ATRNL1: variants seen among roughly 807,000 people sequenced by gnomAD.
ATRNL1 encodes the protein attractin like 1, also known as attractin-like protein 1.
ATRNL1 carries 95 observed loss-of-function variants against 182.7 expected under a neutral mutation model. That is an observed-to-expected ratio of 0.52 (90% CI 0.44 to 0.62). The LOEUF (loss-of-function observed/expected upper bound fraction) is 0.62, where lower values mean the gene tolerates loss of function less well. Ranked by LOEUF, ATRNL1 falls within the 20% of genes least tolerant of loss-of-function variation. ATRNL1 has a pLI of 0.00. For missense variants in ATRNL1, 1,471 were observed against 1,679.5 expected (o/e 0.88, Z 2.17); for synonymous variants, 576 against 568.3 (o/e 1.01, Z -0.19).
chr10:115,537,700 A>ATTGTTTGTTTGTTTGT (rs6144100), intron 25 of ATRNL1, among the ~76,000 whole-genome samples: 15 of 151,352 alleles, frequency 9.9e-5, no homozygotes, highest in Admixed American at 5.3e-4. Flanking sequence ...TTTGGTCCTT[A>ATTGTTTGTTTGTTTGT]TTGTTTGTTT....
rs1294128872 is a variant in ATRNL1, at chr10:115,644,016, G to A, written c.3796-83232G>A. Among the ~76,000 whole-genome samples, 15 of 152,116 alleles carry A rather than the reference G, an allele frequency of 9.9e-5. 1 individual carries two copies. The highest frequency in any genetic ancestry group is 5.9e-5 in the Non-Finnish European group (4 of 68,026). ...GTGCACACAAAAGCTGTATGTGAACGTTTGTAGTGGCTTTATTCATAAACA... is the reference window on the plus strand; with the variant it reads ...GTGCACACAAAAGCTGTATGTGAACATTTGTAGTGGCTTTATTCATAAACA... On this transcript the variant is annotated intron_variant, in intron 26 of 28. Coordinates refer to ENST00000355044, the MANE Select transcript of ATRNL1 (RefSeq NM_207303.4).
At chr10:115,676,438 A>G (rs1945863730) in intron 26 of ATRNL1, among the ~76,000 whole-genome samples, 1 of 152,110 alleles carries the variant, frequency 6.6e-6, no homozygotes, top group African/African-American at 2.4e-5. Context: ...TTATTTACTC[A>G]GTTATCTAAA....
At chr10:115,289,088 A>G (rs1473208850) in intron 15 of ATRNL1, among the ~76,000 whole-genome samples, 1 of 152,210 alleles carries the variant, frequency 6.6e-6, no homozygotes, top group Non-Finnish European at 1.5e-5. Context: ...GCAAAAGGCA[A>G]GAAGGAGAAA....
chr10:115,887,733 A>C (rs1951982261), intron 28 of ATRNL1, among the ~76,000 whole-genome samples: 1 of 141,778 alleles, frequency 7.1e-6, no homozygotes, highest in African/African-American at 2.7e-5. Flanking sequence ...ATCACCATCC[A>C]CTCTCTCATG....
At chr10:115,276,488 A>C (rs1217083347) in intron 13 of ATRNL1, among the ~76,000 whole-genome samples, 2 of 152,226 alleles carry the variant, frequency 1.3e-5, no homozygotes, top group Admixed American at 1.3e-4. Flanking sequence ...TGGGTGAGAT[A>C]GTGTAAGAGA....
intron 26 of ATRNL1, among the ~76,000 whole-genome samples, chr10:115,646,609 G>C (rs1555032544): frequency 6.7e-6 from 1 of 149,096 alleles, no homozygotes; most frequent in African/African-American, 2.5e-5. Context: ...GAGATATGTG[G>C]TCTTTTTCTT....
At chr10:115,839,969 G>C (rs1950765718) in intron 27 of ATRNL1, among the ~76,000 whole-genome samples, 1 of 152,164 alleles carries the variant, frequency 6.6e-6, no homozygotes, top group Non-Finnish European at 1.5e-5. Flanking sequence ...ATCTATTCTA[G>C]ATTGAGATTT....
intron 20 of ATRNL1, among the ~76,000 whole-genome samples, chr10:115,417,402 C>G (rs1845442341): frequency 6.6e-6 from 1 of 152,190 alleles, no homozygotes; most frequent in African/African-American, 2.4e-5. Context: ...TCTGAGCCTC[C>G]TTGATAGGCT....
intron 26 of ATRNL1, among the ~76,000 whole-genome samples, chr10:115,556,262 TGA>T (rs1246439182): frequency 9.2e-5 from 14 of 152,268 alleles, no homozygotes; most frequent in African/African-American, 3.4e-4. Flanking sequence ...TTCTACTTAT[TGA>T]AAGAGCTCTT....
chr10:115,688,242 A>G (rs1946281491), intron 26 of ATRNL1, among the ~76,000 whole-genome samples: 1 of 152,242 alleles, frequency 6.6e-6, no homozygotes, highest in South Asian at 2.1e-4. Context: ...GGTTGATTCT[A>G]TAGCTTTGCT....
rs564908268 is a variant in ATRNL1, at chr10:115,835,132, GCAAA to G, written c.3904-12742_3904-12739del. Among the ~76,000 whole-genome samples the G allele has an allele frequency of 6.5e-4, 99 of 152,100 alleles. No individual in the cohort carries two copies. The South Asian group carries it at 0.018, about 27-fold the overall frequency. On this transcript the variant is annotated intron_variant, in intron 27 of 28. Transcript: ENST00000355044. ...TCCAAGAGACAATATGACTTAGCAG[GCAAA>G]CAGAGGATATTGGCGTCTTCTCTGC...
At chr10:115,274,849 A>G (rs1346301411) in intron 13 of ATRNL1, among the ~76,000 whole-genome samples, 1 of 152,232 alleles carries the variant, frequency 6.6e-6, no homozygotes, top group African/African-American at 2.4e-5. Context: ...TAATTGCCCA[A>G]GCAATGAAAC....
chr10:115,279,831 A>G (rs1852276690), intron 13 of ATRNL1, among the ~76,000 whole-genome samples: 1 of 152,206 alleles, frequency 6.6e-6, no homozygotes, highest in African/African-American at 2.4e-5. Flanking sequence ...TAAAATCCCT[A>G]TTCAACATTT....
At chr10:115,377,183 C>A (rs1449382528) in intron 19 of ATRNL1, among the ~76,000 whole-genome samples, 1 of 152,120 alleles carries the variant, frequency 6.6e-6, no homozygotes, top group Admixed American at 6.6e-5. Flanking sequence ...TAAATTGTAG[C>A]TCCCATAATT....
intron 10 of ATRNL1, among the ~76,000 whole-genome samples, chr10:115,257,721 A>G (rs2492981): frequency 0.35 from 53,316 of 152,054 alleles, 9,774 homozygotes; most frequent in African/African-American, 0.44. Context: ...TTTGTAATTT[A>G]GCATGTTTTT....
intron 26 of ATRNL1, among the ~76,000 whole-genome samples, chr10:115,600,471 T>A (rs1856530977): frequency 1.3e-5 from 2 of 152,146 alleles, no homozygotes; most frequent in East Asian, 3.9e-4. Context: ...TACCTCATAG[T>A]TATAATTTTC....
At chr10:115,587,158 G>T (rs1284464715) in intron 26 of ATRNL1, among the ~76,000 whole-genome samples, 31 of 148,932 alleles carry the variant, frequency 2.1e-4, no homozygotes, top group Non-Finnish European at 4.5e-4. Flanking sequence ...TCTCTTCAAA[G>T]CTGTCAGACA....
At chr10:115,501,188 C>T (rs1849817185) in intron 24 of ATRNL1, among the ~76,000 whole-genome samples, 1 of 152,042 alleles carries the variant, frequency 6.6e-6, no homozygotes, top group Non-Finnish European at 1.5e-5. Context: ...CCTGTTTTAG[C>T]CTCCCAAAGT....
At chr10:115,690,343 T>C (rs1027905014) in intron 26 of ATRNL1, among the ~76,000 whole-genome samples, 1 of 152,036 alleles carries the variant, frequency 6.6e-6, no homozygotes, top group Non-Finnish European at 1.5e-5. Flanking sequence ...TCATCAGGCA[T>C]TAGTTAGATT....
Sources: allele counts gnomAD v4.1 joint callset (sites outside exome capture counted in the v4.1 genomes callset), GRCh38; gene constraint gnomAD v4.1.1; transcripts MANE v1.5; gene names NCBI Gene and HGNC (gene_info 2026-07-23, HGNC 2026-07-21).